PCDH15: variants seen among roughly 807,000 people sequenced by gnomAD.
PCDH15 encodes the protein protocadherin related 15, also known as protocadherin-15.
Under a neutral mutation model 178.5 loss-of-function variants are expected in PCDH15, and 129 were observed. The ratio of observed to expected loss-of-function variants is 0.72; its 90% CI spans 0.63 to 0.84. The LOEUF is 0.84. Among genes scored for constraint, PCDH15 ranks in the 40% least tolerant of loss-of-function variants. The probability of loss-of-function intolerance (pLI) is 0.00; values close to 1 mark genes in which losing one functional copy is unlikely to be tolerated. For synonymous variants in PCDH15, 800 were observed against 732.0 expected (o/e 1.09, Z -1.50); for missense variants, 2,230 against 2,099.9 (o/e 1.06, Z -1.21).
At chr10:55,250,534 CTT>C (rs777000807) in intron 1 of PCDH15, among the ~76,000 whole-genome samples, 12 of 107,970 alleles carry the variant, frequency 1.1e-4, no homozygotes, top group African/African-American at 2.2e-4. Context: ...TAAATAAATT[CTT>C]TTTTTTTTTT....
At chr10:54,812,273 CTTTT>C (rs529215060) in intron 3 of PCDH15, among the ~76,000 whole-genome samples, 1 of 134,782 alleles carries the variant, frequency 7.4e-6, no homozygotes. Flanking sequence ...CTTCCTCTTC[CTTTT>C]TTTTTTTTTT....
chr10:54,377,959 T>C (rs7911487), intron 4 of PCDH15, among the ~76,000 whole-genome samples: 129,935 of 151,922 alleles, frequency 0.86, 55,760 homozygotes, highest in East Asian at 0.99. Flanking sequence ...CGCTCTGCTG[T>C]CCTGGCTGGA....
chr10:55,386,876 T>C (rs1260821082), intron 2 of PCDH15, among the ~76,000 whole-genome samples: 1 of 152,118 alleles, frequency 6.6e-6, no homozygotes, highest in Non-Finnish European at 1.5e-5. Flanking sequence ...CTAAGATTTC[T>C]TCTTAGGTGT....
At chr10:55,138,087 T>C (rs1838252078) in intron 2 of PCDH15, among the ~76,000 whole-genome samples, 5 of 152,134 alleles carry the variant, frequency 3.3e-5, no homozygotes, top group Admixed American at 3.3e-4. Context: ...AATTTGTAAA[T>C]AAGGAGGGTA....
chr10:54,683,324 C>T (rs1025839600), intron 1 of PCDH15, among the ~76,000 whole-genome samples: 2 of 151,950 alleles, frequency 1.3e-5, no homozygotes, highest in African/African-American at 4.8e-5. Flanking sequence ...GAACTCTATC[C>T]ATTAAATAGG....
chr10:54,673,814 A>G (rs890490656), intron 1 of PCDH15, among the ~76,000 whole-genome samples: 7 of 152,202 alleles, frequency 4.6e-5, no homozygotes, highest in Admixed American at 2.6e-4. Flanking sequence ...ATTGGGAAAT[A>G]CAAACTGTCA....
chr10:54,099,630 A>T (rs766497239), intron 15 of PCDH15, among the ~76,000 whole-genome samples: 1 of 151,578 alleles, frequency 6.6e-6, no homozygotes, highest in African/African-American at 2.4e-5. Context: ...AGATAAAAAT[A>T]TGTAATCCAA....
At chr10:55,021,351 T>C (rs1343804745) in intron 2 of PCDH15, among the ~76,000 whole-genome samples, 1 of 152,238 alleles carries the variant, frequency 6.6e-6, no homozygotes, top group Non-Finnish European at 1.5e-5. Context: ...CTTTCTCACA[T>C]TAACTACTGT....
At chr10:54,277,523 CA>C (rs941887882) in intron 8 of PCDH15, among the ~76,000 whole-genome samples, 10 of 151,512 alleles carry the variant, frequency 6.6e-5, no homozygotes, top group African/African-American at 2.2e-4. Flanking sequence ...AGATATAAAA[CA>C]GATATTATTG....
chr10:55,154,873 C>T (rs374120670), intron 2 of PCDH15, among the ~76,000 whole-genome samples: 3 of 152,098 alleles, frequency 2.0e-5, no homozygotes, highest in African/African-American at 7.2e-5. Flanking sequence ...CCTCCTCTAC[C>T]AGTTAGTTTC....
chr10:55,166,780 C>A (rs1006526615), intron 1 of PCDH15: 1 of 152,124 alleles, frequency 6.6e-6, no homozygotes, highest in Non-Finnish European at 1.5e-5. Context: ...AAAATAAATT[C>A]TTGCAAATTA....
At chr10:54,179,947 T>G (rs2133757401) in intron 13 of PCDH15, among the ~76,000 whole-genome samples, 1 of 152,274 alleles carries the variant, frequency 6.6e-6, no homozygotes, top group East Asian at 1.9e-4. Flanking sequence ...GTATAGGGAG[T>G]AATTGTCTTT....
chr10:54,647,218 G>A (rs866736807), intron 2 of PCDH15, among the ~76,000 whole-genome samples: 2 of 152,154 alleles, frequency 1.3e-5, no homozygotes, highest in East Asian at 1.9e-4. Context: ...AAGACATTAT[G>A]CTAAGGAAAA....
At chr10:54,513,409 C>T (rs138888739) in intron 3 of PCDH15, among the ~76,000 whole-genome samples, 44 of 151,956 alleles carry the variant, frequency 2.9e-4, no homozygotes, top group Admixed American at 1.6e-3. Context: ...TACAGGTGCA[C>T]GCCCCCATGC....
chr10:55,220,542 A>G (rs1046104644), intron 1 of PCDH15, among the ~76,000 whole-genome samples: 1 of 152,126 alleles, frequency 6.6e-6, no homozygotes, highest in Non-Finnish European at 1.5e-5. Flanking sequence ...AGCCTACTAT[A>G]TACTTAGGCT....
At chr10:54,370,436 A>G (rs1485748328) in intron 4 of PCDH15, among the ~76,000 whole-genome samples, 1 of 151,876 alleles carries the variant, frequency 6.6e-6, no homozygotes, top group Admixed American at 6.6e-5. Context: ...TGCCTTCACT[A>G]GACTGGAAGC....
At chr10:54,646,219 C>T (rs966520688) in intron 2 of PCDH15, among the ~76,000 whole-genome samples, 11 of 152,078 alleles carry the variant, frequency 7.2e-5, no homozygotes, top group African/African-American at 2.4e-4. Flanking sequence ...CTCCCACTTT[C>T]GCAGTATAAA....
chr10:55,398,650 T>C (rs1185042812), intron 2 of PCDH15, among the ~76,000 whole-genome samples: 1 of 152,172 alleles, frequency 6.6e-6, no homozygotes, highest in Non-Finnish European at 1.5e-5. Context: ...TATTTCTCTT[T>C]CTAGTTTTAT....
chr10:53,986,740 A>G (rs2091129714), intron 21 of PCDH15, among the ~76,000 whole-genome samples: 1 of 152,246 alleles, frequency 6.6e-6, no homozygotes, highest in Non-Finnish European at 1.5e-5. Context: ...CCAATACCGC[A>G]TGATTGCATT....
Sources: gnomAD v4.1 joint callset for allele counts (sites outside exome capture counted in the v4.1 genomes callset) on GRCh38, gnomAD v4.1.1 for gene constraint, MANE v1.5 for transcripts, NCBI Gene and HGNC (gene_info 2026-07-23, HGNC 2026-07-21) for gene names.